Variants in CADPS2 observed in about 807,000 individuals in gnomAD.
CADPS2 encodes the protein calcium-dependent secretion activator 2.
Under a neutral mutation model 172.5 loss-of-function variants are expected in CADPS2, and 93 were observed. That is an observed-to-expected ratio of 0.54 (90% confidence interval 0.46 to 0.64). The LOEUF (loss-of-function observed/expected upper bound fraction) is 0.64. CADPS2 is among the 30% of genes least tolerant of loss of function. The pLI is 0.00. For synonymous variants in CADPS2, 546 were observed against 555.2 expected, an observed-to-expected ratio of 0.98 and a Z score of 0.23; for missense variants, 1,420 against 1,565.9, an observed-to-expected ratio of 0.91 and a Z score of 1.57.
chr7:122,804,873 CTTAAAAA>C (rs1219746374), intron 1 of CADPS2, among the ~76,000 whole-genome samples: 2 of 152,150 alleles, frequency 1.3e-5, no homozygotes, highest in Non-Finnish European at 2.9e-5. Context: ...ATACCATATA[CTTAAAAA>C]TTAAATAGGC....
intron 1 of CADPS2, among the ~76,000 whole-genome samples, chr7:122,825,093 C>G (rs1028044023): frequency 2.0e-5 from 3 of 152,028 alleles, no homozygotes; most frequent in Non-Finnish European, 4.4e-5. Context: ...AAATAAATAG[C>G]AAAAATAGCT....
At chr7:122,579,017 T>C (rs1213540271) in intron 7 of CADPS2, among the ~76,000 whole-genome samples, 8 of 152,138 alleles carry the variant, frequency 5.3e-5, no homozygotes, top group Non-Finnish European at 1.2e-4. Flanking sequence ...TCATAAGTTC[T>C]ATTACAAAAA....
intron 2 of CADPS2, chr7:122,697,826 G>A: frequency 6.2e-7 from 1 of 1,605,544 alleles, no homozygotes; most frequent in Non-Finnish European, 8.5e-7. Flanking sequence ...ACTGAATGAG[G>A]CTGGATGTCA....
At chr7:122,341,924 A>G (rs925425788) in intron 28 of CADPS2, among the ~76,000 whole-genome samples, 1 of 151,322 alleles carries the variant, frequency 6.6e-6, no homozygotes, top group Non-Finnish European at 1.5e-5. Context: ...AACATCATGG[A>G]CCTGCCATAA....
intron 25 of CADPS2, among the ~76,000 whole-genome samples, chr7:122,365,679 T>C (rs2040760066): frequency 6.6e-6 from 1 of 152,204 alleles, no homozygotes; most frequent in South Asian, 2.1e-4. Flanking sequence ...AATCTCTTTG[T>C]TGCCCTGCTC....
chr7:122,644,317 T>C (rs1563943719), intron 3 of CADPS2, among the ~76,000 whole-genome samples: 1 of 152,194 alleles, frequency 6.6e-6, no homozygotes, highest in Non-Finnish European at 1.5e-5. Flanking sequence ...TTCTGAATCA[T>C]GTATTTCTCT....
chr7:122,678,625 A>G (rs1376491893), intron 2 of CADPS2, among the ~76,000 whole-genome samples: 1 of 152,156 alleles, frequency 6.6e-6, no homozygotes. Context: ...TTGCACCACT[A>G]CTGTGGGTCT....
At chr7:122,458,800 T>C (rs1328304385) in intron 14 of CADPS2, among the ~76,000 whole-genome samples, 1 of 152,152 alleles carries the variant, frequency 6.6e-6, no homozygotes, top group African/African-American at 2.4e-5. Flanking sequence ...GAAAACTTTC[T>C]TGGACTAATC....
intron 12 of CADPS2, 35 bp from the exon 13 acceptor site, chr7:122,474,552 C>T: frequency 6.3e-7 from 1 of 1,592,044 alleles, no homozygotes; most frequent in Non-Finnish European, 8.6e-7. Context: ...AGTATATTTA[C>T]TTTTCAGGCT....
At chr7:122,533,947 T>A (rs939701768) in intron 8 of CADPS2, among the ~76,000 whole-genome samples, 1 of 152,118 alleles carries the variant, frequency 6.6e-6, no homozygotes, top group Non-Finnish European at 1.5e-5. Context: ...ACGTCCAAGA[T>A]TTCCATTTAG....
At chr7:122,839,445 A>T (rs1368783072) in intron 1 of CADPS2, among the ~76,000 whole-genome samples, 2 of 152,228 alleles carry the variant, frequency 1.3e-5, no homozygotes, top group African/African-American at 4.8e-5. Context: ...TAACTAAACT[A>T]AAGAACTTCT....
At chr7:122,865,694 T>C (rs1246467595) in intron 1 of CADPS2, among the ~76,000 whole-genome samples, 1 of 152,224 alleles carries the variant, frequency 6.6e-6, no homozygotes, top group East Asian at 1.9e-4. Context: ...ACATTCTCTA[T>C]AGACAATCAT....
intron 16 of CADPS2, chr7:122,439,521 C>T (rs557360608): frequency 2.5e-4 from 38 of 152,142 alleles, no homozygotes; most frequent in Non-Finnish European, 4.1e-4. Context: ...AGCCTCAGCA[C>T]TAAGGATTTT....
intron 2 of CADPS2, among the ~76,000 whole-genome samples, chr7:122,712,721 G>T (rs1222159251): frequency 6.6e-6 from 1 of 152,070 alleles, no homozygotes; most frequent in Non-Finnish European, 1.5e-5. Flanking sequence ...ATTTATTTTT[G>T]CACAGTTCTG....
At chr7:122,541,639 T>C in intron 8 of CADPS2, among the ~76,000 whole-genome samples, 1 of 146,046 alleles carries the variant, frequency 6.8e-6, no homozygotes, top group Non-Finnish European at 1.5e-5. Flanking sequence ...TTTCATATAT[T>C]CATATATATT....
At chr7:122,363,353 C>G (rs555456518) in intron 25 of CADPS2, among the ~76,000 whole-genome samples, 2 of 152,138 alleles carry the variant, frequency 1.3e-5, no homozygotes, top group African/African-American at 2.4e-5. Flanking sequence ...TGTAGCCCAG[C>G]ACCTGATTCT....
intron 9 of CADPS2, among the ~76,000 whole-genome samples, chr7:122,491,674 T>C (rs1233800263): frequency 1.3e-5 from 2 of 152,178 alleles, no homozygotes; most frequent in Admixed American, 6.5e-5. Flanking sequence ...CAAGCTTCTA[T>C]ATTAATAGAA....
rs759048183 is a variant in CADPS2 at position 122,341,534 on chromosome 7, G to A, written c.3612+4040C>T. Reference sequence around the variant, plus strand: ...CCAGATATTTAATGGCAGAGCTGTGGTTGGAACTCAAGTTTCTGCATTCTC... The same window carrying A: ...CCAGATATTTAATGGCAGAGCTGTGATTGGAACTCAAGTTTCTGCATTCTC... On this transcript the variant is annotated intron_variant, in intron 28 of 29. Transcript: ENST00000449022. 5.3e-5 allele frequency among the ~76,000 whole-genome samples: 8 copies of A among 152,154 alleles called. No homozygotes were observed. The South Asian group carries it at 1.2e-3, about 24-fold the overall frequency.
intron 2 of CADPS2, among the ~76,000 whole-genome samples, chr7:122,730,503 T>TA (rs951519562): frequency 2.6e-5 from 4 of 151,690 alleles, no homozygotes; most frequent in Non-Finnish European, 5.9e-5. Context: ...TTTTTAATAG[T>TA]AAAAAATGAA....
Sources: allele counts gnomAD v4.1 joint callset (sites outside exome capture counted in the v4.1 genomes callset), GRCh38; gene constraint gnomAD v4.1.1; transcripts MANE v1.5; gene names NCBI Gene and HGNC (gene_info 2026-07-23, HGNC 2026-07-21).